BBS9: variants seen among roughly 807,000 people sequenced by gnomAD.
The protein encoded by BBS9 is protein PTHB1.
A neutral mutation model predicts 117.7 loss-of-function variants in BBS9; 89 were observed. That is an observed-to-expected ratio of 0.76 (90% CI 0.64 to 0.90). The LOEUF (loss-of-function observed/expected upper bound fraction) is 0.90. Ranked by LOEUF, BBS9 falls within the 40% of genes least tolerant of loss-of-function variation. BBS9 has a pLI of 0.00. For synonymous variants in BBS9, 379 were observed against 370.9 expected (o/e 1.02, Z -0.25); for missense variants, 982 against 1,042.2 (o/e 0.94, Z 0.80).
chr7:33,254,485 G>A (rs1453723599), intron 5 of BBS9, among the ~76,000 whole-genome samples: 1 of 152,078 alleles, frequency 6.6e-6, no homozygotes, highest in African/African-American at 2.4e-5. Flanking sequence ...ATTAATATTA[G>A]TATGGATCAC....
chr7:33,211,808 T>A (rs1022506037), intron 5 of BBS9, among the ~76,000 whole-genome samples: 1 of 152,210 alleles, frequency 6.6e-6, no homozygotes, highest in African/African-American at 2.4e-5. Context: ...CTTTTGTTTC[T>A]CCTTCATGCT....
chr7:33,423,316 A>G (rs1157022198), intron 19 of BBS9, among the ~76,000 whole-genome samples: 1 of 152,138 alleles, frequency 6.6e-6, no homozygotes, highest in African/African-American at 2.4e-5. Flanking sequence ...GGAGGCATGT[A>G]TCACCTTGCT....
Position 33,257,235 on chromosome 7 carries a change from G to A in BBS9, c.443-1G>A. ...TCTAATTTTCTCTAATTCTTCTTTA[G>A]GTCGAGATTTAATTTGCATCCAGTC... On this transcript the variant is annotated splice_acceptor_variant, in intron 5 of 22. Coordinates refer to ENST00000242067, the MANE Select transcript of BBS9 (RefSeq NM_198428.3). LOFTEE classifies it high-confidence loss of function. The A allele has an allele frequency of 6.2e-7, 1 of 1,603,380 alleles. No homozygotes were observed. The highest frequency in any genetic ancestry group is 1.3e-5 in the African/African-American group (1 of 74,856).
At chr7:33,144,070 C>T (rs1220116875) in intron 1 of BBS9, among the ~76,000 whole-genome samples, 2 of 152,140 alleles carry the variant, frequency 1.3e-5, no homozygotes, top group Non-Finnish European at 2.9e-5. Context: ...CAACACCACT[C>T]TTACCTTTAT....
intron 19 of BBS9, among the ~76,000 whole-genome samples, chr7:33,495,900 CATACTT>C (rs1256877699): frequency 2.6e-5 from 4 of 152,132 alleles, no homozygotes; most frequent in East Asian, 1.9e-4. Context: ...CTCTCAGAGT[CATACTT>C]ATATATATTA....
At chr7:33,553,010 C>G (rs758598917) in intron 21 of BBS9, among the ~76,000 whole-genome samples, 1 of 152,142 alleles carries the variant, frequency 6.6e-6, no homozygotes, top group Non-Finnish European at 1.5e-5. Context: ...TTTCCTGCCT[C>G]TGGTTTTGCA....
At chr7:33,223,377 T>A (rs1790638950) in intron 5 of BBS9, among the ~76,000 whole-genome samples, 1 of 152,220 alleles carries the variant, frequency 6.6e-6, no homozygotes, top group Admixed American at 6.5e-5. Context: ...CTTGTCACCA[T>A]GCTGTACAGT....
chr7:33,452,025 G>A (rs1426681513), intron 19 of BBS9, among the ~76,000 whole-genome samples: 1 of 151,946 alleles, frequency 6.6e-6, no homozygotes. Context: ...GTAGAGAGGG[G>A]GTTTTGCCAT....
In BBS9 at chr7:33,604,873, A is replaced by G. The variant is rs1424137148; in HGVS notation, c.2530A>G (p.Thr844Ala). 3.7e-6 allele frequency: 6 copies of G among 1,609,640 alleles called. No individual in the cohort carries two copies. The highest frequency in any genetic ancestry group is 4.5e-5 in the East Asian group (2 of 44,792). ...TTGTATTTTTCAACTAGGTGGTTGT[A>G]CTACAATCCCAGAGTCAGACCTAGA... ...PQTMVMPGGCTTIPESDLEER... is the reference protein window; with the variant it reads ...PQTMVMPGGCATIPESDLEER... Residue 844 changes from threonine to alanine, a missense_variant, in exon 22 of 23, where the codon ACT (threonine) becomes GCT (alanine). Thr to Ala is a moderately conservative substitution (Grantham distance 58). Coordinates refer to ENST00000242067, the MANE Select transcript of BBS9 (RefSeq NM_198428.3).
intron 5 of BBS9, among the ~76,000 whole-genome samples, chr7:33,183,397 C>A (rs1798362138): frequency 6.6e-6 from 1 of 152,104 alleles, no homozygotes; most frequent in African/African-American, 2.4e-5. Context: ...ACATAAAGGC[C>A]TTTAAAATGT....
intron 7 of BBS9, 143 bp downstream of exon 7, chr7:33,264,517 A>G: frequency 2.0e-6 from 1 of 504,876 alleles, no homozygotes; most frequent in Non-Finnish European, 3.5e-6. Context: ...TTAATGACCT[A>G]AGAATTGAGT....
intron 12 of BBS9, among the ~76,000 whole-genome samples, chr7:33,348,428 A>T (rs1189148862): frequency 6.6e-6 from 1 of 152,160 alleles, no homozygotes; most frequent in Admixed American, 6.5e-5. Flanking sequence ...TTATTGCTGA[A>T]CAATATTTCA....
At chr7:33,590,460 T>G (rs1401165740) in intron 21 of BBS9, among the ~76,000 whole-genome samples, 90 of 73,704 alleles carry the variant, frequency 1.2e-3, no homozygotes, top group Non-Finnish European at 1.9e-3. Flanking sequence ...TGTTTTTTTG[T>G]TTTTTTTTTT....
At chr7:33,167,283 G>A (rs1053212589) in intron 4 of BBS9, among the ~76,000 whole-genome samples, 2 of 151,760 alleles carry the variant, frequency 1.3e-5, no homozygotes, top group East Asian at 3.9e-4. Context: ...AACAATTTCA[G>A]TACTGTCTGG....
At chr7:33,247,860 C>A (rs577200485) in intron 5 of BBS9, among the ~76,000 whole-genome samples, 2 of 152,262 alleles carry the variant, frequency 1.3e-5, no homozygotes, top group African/African-American at 4.8e-5. Flanking sequence ...ATGTTTAGGG[C>A]CTTCTTTTAA....
At chr7:33,173,073 T>G (rs900201476) in intron 4 of BBS9, among the ~76,000 whole-genome samples, 1 of 152,182 alleles carries the variant, frequency 6.6e-6, no homozygotes, top group African/African-American at 2.4e-5. Context: ...TGTTCTTAAT[T>G]TAGCTACTGT....
At chr7:33,188,522 G>A (rs1427491775) in intron 5 of BBS9, among the ~76,000 whole-genome samples, 1 of 152,098 alleles carries the variant, frequency 6.6e-6, no homozygotes, top group Non-Finnish European at 1.5e-5. Context: ...TATGTTTGTT[G>A]AGAATGACAA....
intron 5 of BBS9, among the ~76,000 whole-genome samples, chr7:33,220,701 A>G (rs1487904129): frequency 3.3e-5 from 5 of 152,196 alleles, no homozygotes; most frequent in Non-Finnish European, 5.9e-5. Flanking sequence ...CCTATTGTAC[A>G]TTGTCCAATT....
chr7:33,214,685 A>G (rs540881026), intron 5 of BBS9, among the ~76,000 whole-genome samples: 1 of 152,354 alleles, frequency 6.6e-6, no homozygotes, highest in East Asian at 1.9e-4. Context: ...AACACTGATG[A>G]GAAAAATTAA....
Sources: gnomAD v4.1 joint callset for allele counts (sites outside exome capture counted in the v4.1 genomes callset) on GRCh38, gnomAD v4.1.1 for gene constraint, MANE v1.5 for transcripts, NCBI Gene and HGNC (gene_info 2026-07-23, HGNC 2026-07-21) for gene names.